Variants in DPPA3 observed in about 807,000 individuals in gnomAD.
DPPA3 encodes developmental pluripotency-associated protein 3.
Under a neutral mutation model 15.6 loss-of-function variants are expected in DPPA3, and 9 were observed. The observed-to-expected ratio is 0.58, with a 90% CI of 0.35 to 1.01. The LOEUF (loss-of-function observed/expected upper bound fraction) is 1.01. Ranked by LOEUF, DPPA3 falls within the 50% of genes least tolerant of loss-of-function variation. DPPA3 has a pLI of 0.02. For synonymous variants in DPPA3, 61 were observed against 70.9 expected (o/e 0.86, Z 0.70); for missense variants, 148 against 194.6 (o/e 0.76, Z 1.42).
At position 7,715,065 on chromosome 12, in the gene DPPA3, C is replaced by T. The variant is rs147956153; in HGVS notation, c.83-118C>T. 1.7e-5 allele frequency: 25 copies of T among 1,480,494 alleles called. No individual in the cohort carries two copies. The East Asian group carries it at 3.7e-4, about 22-fold the overall frequency. The allele number at this position is 1,480,494 out of a possible 1,614,324, so 91.7% of individuals were successfully genotyped here. A position where few individuals can be genotyped will look rare whatever the true frequency, so the allele number is the denominator to read the frequency against. ...GAGGTTGTGCGTTGTTTACTGTGAC[C>T]TTCCACCCTGAGGAATTTCCCACAC... On this transcript the variant is annotated intron_variant, in intron 1 of 3. Transcript: ENST00000345088.
Position 7,716,188 on chromosome 12 carries a change from T to TTTC in DPPA3, c.328-10_328-9insTTC. On this transcript the variant is annotated splice_polypyrimidine_tract_variant and intron_variant, in intron 2 of 3. Coordinates refer to ENST00000345088, the MANE Select transcript of DPPA3 (RefSeq NM_199286.4). ...ATAGTTTTCAATAAACATATTTTTT[T>TTTC]CCCATGAAGCATGAAAGAAGACCAA... 6.2e-7 allele frequency: 1 copy of TTTC among 1,600,048 alleles called. No individual in the cohort carries two copies. The highest frequency in any genetic ancestry group is 8.5e-7 in the Non-Finnish European group (1 of 1,171,192).
Position 7,711,549 on chromosome 12 carries a change from C to A in DPPA3, c.-22C>A. 6.9e-7 allele frequency: 1 copy of A among 1,445,750 alleles called. No individual in the cohort carries two copies. The highest frequency in any genetic ancestry group is 9.6e-7 in the Non-Finnish European group (1 of 1,039,468). The allele number at this position is 1,445,750 out of a possible 1,614,324, so 89.6% of individuals were successfully genotyped here. On this transcript the variant is annotated 5_prime_UTR_variant, in exon 1 of 4. Transcript: ENST00000345088. ...TACGTTTCAAAGATCCTGGAGAAGC[C>A]TAGTGTTGTGTCAAGACGCCGATGG...
intron 3 of DPPA3, among the ~76,000 whole-genome samples, chr12:7,716,670 G>A (rs893328552): frequency 6.6e-6 from 1 of 152,204 alleles, no homozygotes; most frequent in Non-Finnish European, 1.5e-5. Context: ...CACTTCAGCA[G>A]AGTGTCTAGT....
intron 3 of DPPA3, 121 bp from the exon 4 acceptor site, chr12:7,716,846 C>CT (rs1403694648): frequency 5.3e-6 from 5 of 936,690 alleles, no homozygotes; most frequent in East Asian, 4.9e-5. Flanking sequence ...CCCGTGTGTC[C>CT]TTTTTTGTGT....
rs750123214 is a variant in DPPA3 at position 7,711,665 on chromosome 12, ATGCCCTTCTTGACTATCT to A, written c.82+14_82+31del. 1.2e-6 allele frequency: 2 copies of A among 1,602,628 alleles called. No individual in the cohort carries two copies. The highest frequency in any genetic ancestry group is 1.7e-6 in the Non-Finnish European group (2 of 1,173,880). ...CGGGACGATTCAGGTAAGCCAGATAATGCCCTTCTTGACTATCTGACTATAGGGGGGTTGGGAGGTCAA... is the reference window on the plus strand; with the variant it reads ...CGGGACGATTCAGGTAAGCCAGATAAGACTATAGGGGGGTTGGGAGGTCAA... On this transcript the variant is annotated intron_variant, in intron 1 of 3. Coordinates refer to ENST00000345088, the MANE Select transcript of DPPA3 (RefSeq NM_199286.4).
Position 7,711,720 on chromosome 12 carries a change from C to CTTTTTT in DPPA3, c.82+92_82+97dup, listed in dbSNP as rs3069565. On this transcript the variant is annotated intron_variant, in intron 1 of 3. Transcript: ENST00000345088. Reference sequence around the variant, plus strand: ...GGTTGGGAGGTCAAAAGGCTGCCGTCTTTTTTTTTTTTTTTTTTTTTTTTT... The same window carrying CTTTTTT: ...GGTTGGGAGGTCAAAAGGCTGCCGTCTTTTTTTTTTTTTTTTTTTTTTTTTTTTTTT... 8 of 340,692 alleles carry CTTTTTT rather than the reference C, an allele frequency of 2.3e-5. 2 individuals are homozygous for CTTTTTT. The highest frequency in any genetic ancestry group is 1.8e-4 in the African/African-American group (4 of 22,828). 21.1% of individuals were successfully genotyped at this position (340,692 alleles called of 1,614,324 possible).
intron 1 of DPPA3, among the ~76,000 whole-genome samples, chr12:7,713,153 C>CT (rs1864363522): frequency 6.6e-6 from 1 of 152,234 alleles, no homozygotes; most frequent in Admixed American, 6.5e-5. Context: ...ATTTATGACC[C>CT]TGACAGCGGG....
chr12:7,711,820 G>A (rs187538626), intron 1 of DPPA3, among the ~76,000 whole-genome samples, 168 bp downstream of exon 1: 137 of 147,628 alleles, frequency 9.3e-4, no homozygotes, highest in Admixed American at 2.0e-3. Context: ...TCAACACAGA[G>A]AGGTCAAAGA....
In DPPA3 at chr12:7,712,679, G is replaced by A. The variant is rs867091232; in HGVS notation, c.82+1027G>A. ...GCCAGACTGGTCTCGATCTCCTGAC[G>A]TCGTGATCCGCCCACCTCTGCCTCC... On this transcript the variant is annotated intron_variant, in intron 1 of 3. Coordinates refer to ENST00000345088, the MANE Select transcript of DPPA3 (RefSeq NM_199286.4). 4.4e-4 allele frequency among the ~76,000 whole-genome samples: 67 copies of A among 151,850 alleles called. 1 individual carries two copies. In the Middle Eastern group the frequency reaches 0.01, roughly 23 times the overall value.
At position 7,715,424 on chromosome 12, in the gene DPPA3, T is replaced by C; in HGVS notation, c.324T>C (p.Arg108=). The change falls in exon 2 of 4, where the codon CGT becomes CGC. Residue 108 remains arginine (R), a synonymous_variant. Coordinates refer to ENST00000345088, the MANE Select transcript of DPPA3 (RefSeq NM_199286.4). ...RLRYMLLGGV[R]THERRPTNKE... ...GATACATGTTACTCGGCGGAGTTCG[T>C]ACGGTATGTTGATGTGATGTGGCCG... is the stretch of plus-strand genomic sequence containing the variant. 1.9e-6 allele frequency: 3 copies of C among 1,614,028 alleles called. No individual in the cohort carries two copies. Among genetic ancestry groups the C allele is most frequent in the Non-Finnish European group, 2.5e-6 (3 of 1,179,958 alleles).
intron 2 of DPPA3, 37 bp downstream of exon 2, chr12:7,715,464 C>T (rs368350375): frequency 9.5e-5 from 153 of 1,612,986 alleles, no homozygotes; most frequent in Middle Eastern, 1.6e-4. Context: ...TGTCCAATTC[C>T]GGAGAGTGAC....
At chr12:7,713,911 G>A (rs773037251) in intron 1 of DPPA3, among the ~76,000 whole-genome samples, 1 of 152,202 alleles carries the variant, frequency 6.6e-6, no homozygotes, top group African/African-American at 2.4e-5. Flanking sequence ...TACTCTGGAC[G>A]CTGAGGTGGG....
intron 3 of DPPA3, among the ~76,000 whole-genome samples, chr12:7,716,599 TG>T (rs1864402318): frequency 2.6e-5 from 2 of 76,940 alleles, no homozygotes; most frequent in Non-Finnish European, 7.4e-5. Flanking sequence ...GGTGTTAGGT[TG>T]ATACTTTCAC....
Position 7,716,187 on chromosome 12 carries a change from T to TC in DPPA3, c.328-11_328-10insC, listed in dbSNP as rs1319906363. On this transcript the variant is annotated splice_polypyrimidine_tract_variant and intron_variant, in intron 2 of 3. Transcript: ENST00000345088. Reference sequence around the variant, plus strand: ...GATAGTTTTCAATAAACATATTTTTTTCCCATGAAGCATGAAAGAAGACCA... The same window carrying TC: ...GATAGTTTTCAATAAACATATTTTTTCTCCCATGAAGCATGAAAGAAGACCA... 6.3e-7 allele frequency: 1 copy of TC among 1,599,878 alleles called. No individual in the cohort carries two copies. The highest frequency in any genetic ancestry group is 2.2e-5 in the East Asian group (1 of 44,804).
At chr12:7,711,852 T>C (rs1380186985) in intron 1 of DPPA3, among the ~76,000 whole-genome samples, 200 bp downstream of exon 1, 1 of 148,572 alleles carries the variant, frequency 6.7e-6, no homozygotes, top group East Asian at 2.0e-4. Flanking sequence ...GCGGTGATGG[T>C]GGTGGTGAGA....
rs1398376094 is a variant in DPPA3 at position 7,715,395 on chromosome 12, T to C, written c.295T>C (p.Leu99=). Reference sequence around the variant, plus strand: ...TGTGCAGAGAGAAAAGATGGCAAGATTGAGATACATGTTACTCGGCGGAGT... The same window carrying C: ...TGTGCAGAGAGAAAAGATGGCAAGACTGAGATACATGTTACTCGGCGGAGT... ...LSVQREKMAR[L]RYMLLGGVRT... Residue 99 remains leucine (L), a synonymous_variant, in exon 2 of 4, where the codon TTG becomes CTG. Transcript: ENST00000345088. 1 of 1,613,944 alleles carries C rather than the reference T, an allele frequency of 6.2e-7. No homozygotes were observed. The highest frequency in any genetic ancestry group is 1.7e-5 in the Admixed American group (1 of 59,988).
At chr12:7,713,333 G>A (rs1864365812) in intron 1 of DPPA3, among the ~76,000 whole-genome samples, 1 of 152,174 alleles carries the variant, frequency 6.6e-6, no homozygotes, top group South Asian at 2.1e-4. Context: ...TATCCGAGTG[G>A]GAAAGAAAAA....
At chr12:7,715,935 A>G (rs1168951232) in intron 2 of DPPA3, among the ~76,000 whole-genome samples, 2 of 152,114 alleles carry the variant, frequency 1.3e-5, no homozygotes, top group Non-Finnish European at 2.9e-5. Flanking sequence ...TCTACAAAAA[A>G]TTAATTAGCT....
intron 3 of DPPA3, among the ~76,000 whole-genome samples, chr12:7,716,574 C>T (rs1253952224): frequency 2.1e-5 from 3 of 145,172 alleles, no homozygotes; most frequent in Non-Finnish European, 4.6e-5. Flanking sequence ...ATAGTTTACA[C>T]TAGGGGTCAC....
Sources: gnomAD v4.1 joint callset for allele counts (sites outside exome capture counted in the v4.1 genomes callset) on GRCh38, gnomAD v4.1.1 for gene constraint, MANE v1.5 for transcripts, NCBI Gene and HGNC (gene_info 2026-07-23, HGNC 2026-07-21) for gene names.